The following RGPD3 variants were observed in gnomAD, a reference collection of about 807,000 sequenced individuals.
RGPD3 encodes the protein ranBP2-like and GRIP domain-containing protein 3.
RGPD3 carries 62 observed loss-of-function variants against 154.5 expected under a neutral mutation model. That is an observed-to-expected ratio of 0.40 (90% CI 0.33 to 0.50). RGPD3 has a LOEUF of 0.50. RGPD3 is among the 20% of genes least tolerant of loss of function. The probability of loss-of-function intolerance (pLI) is 0.59; values close to 1 mark genes in which losing one functional copy is unlikely to be tolerated. For missense variants in RGPD3, 919 were observed against 1,716.8 expected (o/e 0.54, Z 8.21); for synonymous variants, 308 against 607.0 (o/e 0.51, Z 7.24).
In RGPD3 at chr2:106,468,352, T is replaced by C; in HGVS notation, c.-64A>G. ...CGCTCAGCCCCGCAGCAGTCGCCAA[T>C]TCCAAGAGGAAAGCGCCTGAAAGCC... On this transcript the variant is annotated 5_prime_UTR_variant, in exon 1 of 23. Transcript: ENST00000409886. 6.4e-7 allele frequency: 1 copy of C among 1,555,696 alleles called. No individual in the cohort carries two copies. Among genetic ancestry groups the C allele is most frequent in the Non-Finnish European group, 8.7e-7 (1 of 1,150,482 alleles).
Position 106,436,257 on chromosome 2 carries a change from G to A in RGPD3, c.1635-11C>T. On this transcript the variant is annotated splice_polypyrimidine_tract_variant and intron_variant, in intron 11 of 22. Coordinates refer to ENST00000409886, the MANE Select transcript of RGPD3 (RefSeq NM_001144013.2). ...GCTGAGTTTCCAGGTCTAAAAAATAGTTCAATTTACTAAAATTGCTTTCTA... is the reference window on the plus strand; with the variant it reads ...GCTGAGTTTCCAGGTCTAAAAAATAATTCAATTTACTAAAATTGCTTTCTA... 23 of 1,611,824 alleles carry A rather than the reference G, an allele frequency of 1.4e-5. No homozygotes were observed. The highest frequency in any genetic ancestry group is 1.9e-5 in the Non-Finnish European group (22 of 1,179,830).
intron 20 of RGPD3, among the ~76,000 whole-genome samples, chr2:106,420,616 A>G (rs1459841754): frequency 2.4e-4 from 37 of 152,408 alleles, no homozygotes; most frequent in Middle Eastern, 3.4e-3. Context: ...GTGAAAAACA[A>G]TAATGTAAAA....
At position 106,404,404 on chromosome 2, in the gene RGPD3, ATACTT is replaced by A. The variant is rs1452992934; in HGVS notation, c.*810_*814del. On this transcript the variant is annotated 3_prime_UTR_variant, in exon 23 of 23. Transcript: ENST00000409886. ...ACAACATAATGAGTTTTGAGATAGT[ATACTT>A]TAAAGAAAAAAAGAAGAGTTTATTT... 8.8e-5 allele frequency among the ~76,000 whole-genome samples: 13 copies of A among 147,930 alleles called. No individual in the cohort carries two copies. The highest frequency in any genetic ancestry group is 2.8e-4 in the African/African-American group (11 of 39,228).
Position 106,411,656 on chromosome 2 carries a change from G to A in RGPD3, c.5266+1428C>T, listed in dbSNP as rs182868307. 5.3e-3 allele frequency among the ~76,000 whole-genome samples: 786 copies of A among 147,610 alleles called. 7 individuals are homozygous for A. The highest frequency in any genetic ancestry group is 0.035 in the South Asian group (166 of 4,768). On this transcript the variant is annotated intron_variant, in intron 22 of 22. Coordinates refer to ENST00000409886, the MANE Select transcript of RGPD3 (RefSeq NM_001144013.2). ...ATCCTGGCCAACATGGTGAAACCTC[G>A]TCTCTACTAAAAATAGAAAAATTAG...
intron 21 of RGPD3, among the ~76,000 whole-genome samples, chr2:106,414,112 T>G (rs1318708459): frequency 1.3e-5 from 2 of 152,048 alleles, no homozygotes; most frequent in South Asian, 2.1e-4. Context: ...TGTAAAACAC[T>G]ATCAGAGAAA....
In RGPD3 at chr2:106,404,414, G is replaced by GA. The variant is rs1173878877; in HGVS notation, c.*804dup. Reference sequence around the variant, plus strand: ...GAGTTTTGAGATAGTATACTTTAAAGAAAAAAAGAAGAGTTTATTTTAAAG... The same window carrying GA: ...GAGTTTTGAGATAGTATACTTTAAAGAAAAAAAAGAAGAGTTTATTTTAAAG... On this transcript the variant is annotated 3_prime_UTR_variant, in exon 23 of 23. Coordinates refer to ENST00000409886, the MANE Select transcript of RGPD3 (RefSeq NM_001144013.2). Among the ~76,000 whole-genome samples, 1 of 146,554 alleles carries GA rather than the reference G, an allele frequency of 6.8e-6. No homozygotes were observed. The highest frequency in any genetic ancestry group is 6.7e-5 in the Admixed American group (1 of 14,830).
chr2:106,406,952 G>A (rs555223920), intron 22 of RGPD3, among the ~76,000 whole-genome samples: 2,498 of 151,928 alleles, frequency 0.016, 23 homozygotes, highest in African/African-American at 0.055. Context: ...AATCTGCTGC[G>A]TAACAAATTA....
chr2:106,421,181 T>G (rs888918607), intron 20 of RGPD3, among the ~76,000 whole-genome samples: 2 of 152,090 alleles, frequency 1.3e-5, no homozygotes, highest in Admixed American at 6.5e-5. Context: ...TCTCTTGGCC[T>G]CAGTTTACTC....
At chr2:106,406,261 C>T (rs143131212) in intron 22 of RGPD3, among the ~76,000 whole-genome samples, 1,643 of 150,160 alleles carry the variant, frequency 0.011, 95 homozygotes, top group African/African-American at 0.037. Context: ...TGCACAGTTA[C>T]GTACCACCAC....
intron 8 of RGPD3, 120 bp downstream of exon 8, chr2:106,441,173 G>A (rs562253089): frequency 8.3e-5 from 120 of 1,451,314 alleles, no homozygotes; most frequent in Middle Eastern, 5.0e-4. Flanking sequence ...TAACTGATAC[G>A]GCGAAAAGAA....
chr2:106,418,024 GA>G lies in RGPD3; in HGVS notation c.4925-2036del, dbSNP rs1309726646. Among the ~76,000 whole-genome samples, 11 of 145,800 alleles carry G rather than the reference GA, an allele frequency of 7.5e-5. 1 individual carries two copies. The highest frequency in any genetic ancestry group is 2.7e-4 in the African/African-American group (11 of 40,028). On this transcript the variant is annotated intron_variant, in intron 20 of 22. Coordinates refer to ENST00000409886, the MANE Select transcript of RGPD3 (RefSeq NM_001144013.2). Reference sequence around the variant, plus strand: ...GGTGCCTGTAATCCCAGCTGCTGGGGAGGCTGAGGCAGAGAACTGCTGGAAG... The same window carrying G: ...GGTGCCTGTAATCCCAGCTGCTGGGGGGCTGAGGCAGAGAACTGCTGGAAG...
intron 22 of RGPD3, among the ~76,000 whole-genome samples, chr2:106,411,944 G>T (rs1203457584): frequency 1.3e-5 from 2 of 151,088 alleles, no homozygotes; most frequent in Admixed American, 6.6e-5. Flanking sequence ...CATAAACTAG[G>T]TATAGGTGAC....
chr2:106,464,323 A>T (rs1348930603), intron 1 of RGPD3, among the ~76,000 whole-genome samples: 2 of 144,578 alleles, frequency 1.4e-5, no homozygotes, highest in Non-Finnish European at 3.0e-5. Flanking sequence ...CCTGGACGAT[A>T]GAGCGAGACT....
chr2:106,413,269 A>T lies in RGPD3; in HGVS notation c.5081T>A (p.Ile1694Lys), dbSNP rs1361043884. ...MEQIKLLKSE[I>K]RRLERNQEQE... ...CTCTTGATTCCTTTCCAATCTTCTT[A>T]TTTCACTTTTGAGAAGCTGGTGTTA... Residue 1694 changes from isoleucine (I) to lysine (K), a missense_variant, in exon 22 of 23, where the codon ATA (isoleucine) becomes AAA (lysine). Coordinates refer to ENST00000409886, the MANE Select transcript of RGPD3 (RefSeq NM_001144013.2). 1 of 1,611,812 alleles carries T rather than the reference A, an allele frequency of 6.2e-7. No individual in the cohort carries two copies. Among genetic ancestry groups the T allele is most frequent in the African/African-American group, 1.3e-5 (1 of 74,922 alleles).
At position 106,468,313 on chromosome 2, in the gene RGPD3, A is replaced by T; in HGVS notation, c.-25T>A. 6.3e-7 allele frequency: 1 copy of T among 1,595,824 alleles called. No individual in the cohort carries two copies. Among genetic ancestry groups the T allele is most frequent in the Non-Finnish European group, 8.5e-7 (1 of 1,172,582 alleles). ...TCGCGCCACCAACCTGGCTCCCGAG[A>T]TGCGTGAGACCAGCGCTCAGCCCCG... On this transcript the variant is annotated 5_prime_UTR_variant, in exon 1 of 23. Coordinates refer to ENST00000409886, the MANE Select transcript of RGPD3 (RefSeq NM_001144013.2).
intron 1 of RGPD3, among the ~76,000 whole-genome samples, chr2:106,464,214 C>T (rs979024811): frequency 1.2e-4 from 18 of 151,674 alleles, no homozygotes; most frequent in Admixed American, 8.5e-4. Context: ...GGTGTTGTGG[C>T]GGGTGCCCGT....
chr2:106,468,186 G>A (rs556201525), intron 1 of RGPD3, 31 bp downstream of exon 1: 29 of 1,584,242 alleles, frequency 1.8e-5, no homozygotes, highest in Non-Finnish European at 2.1e-5. Context: ...CGGCCAGGTC[G>A]AGGCCGTCGG....
chr2:106,463,416 G>A (rs575474411), intron 1 of RGPD3, among the ~76,000 whole-genome samples: 1 of 152,036 alleles, frequency 6.6e-6, no homozygotes, highest in South Asian at 2.1e-4. Context: ...CGGAGGTTGT[G>A]GTGAGCTGAG....
chr2:106,422,811 C>T (rs1677037380), intron 20 of RGPD3, among the ~76,000 whole-genome samples: 1 of 151,448 alleles, frequency 6.6e-6, no homozygotes, highest in Non-Finnish European at 1.5e-5. Context: ...TTTGCTCTGC[C>T]CTAGCATGAT....
Sources: allele counts gnomAD v4.1 joint callset (sites outside exome capture counted in the v4.1 genomes callset), GRCh38; gene constraint gnomAD v4.1.1; transcripts MANE v1.5; gene names NCBI Gene and HGNC (gene_info 2026-07-23, HGNC 2026-07-21).